The following ITGA9 variants were observed in gnomAD, a reference collection of about 807,000 sequenced individuals.
ITGA9 encodes integrin alpha-9.
ITGA9 carries 56 observed loss-of-function variants against 127.8 expected under a neutral mutation model. That is an observed-to-expected ratio of 0.44 (90% CI 0.35 to 0.55). The LOEUF is 0.55. ITGA9 is among the 20% of genes least tolerant of loss of function. ITGA9 has a pLI of 0.00. For missense variants in ITGA9, 1,196 were observed against 1,347.1 expected (o/e 0.89, Z 1.76); for synonymous variants, 508 against 514.5 (o/e 0.99, Z 0.17).
chr3:37,582,414 G>C (rs1351497193), intron 15 of ITGA9, among the ~76,000 whole-genome samples: 1 of 152,206 alleles, frequency 6.6e-6, no homozygotes, highest in Non-Finnish European at 1.5e-5. Flanking sequence ...AATAGGGATT[G>C]ACTTTTAAGG....
chr3:37,540,609 G>A (rs1034346431), intron 14 of ITGA9, among the ~76,000 whole-genome samples: 3 of 152,198 alleles, frequency 2.0e-5, no homozygotes, highest in Non-Finnish European at 2.9e-5. Context: ...TTTGATGGGT[G>A]GCCCTCTGGC....
At chr3:37,639,149 T>C (rs774228978) in intron 16 of ITGA9, among the ~76,000 whole-genome samples, 8 of 152,182 alleles carry the variant, frequency 5.3e-5, no homozygotes, top group Non-Finnish European at 1.2e-4. Flanking sequence ...AAGACCTGCA[T>C]CTGTCTCATC....
Position 37,513,750 on chromosome 3 carries a change from A to G in ITGA9, c.898-13A>G. On this transcript the variant is annotated splice_polypyrimidine_tract_variant and intron_variant, in intron 8 of 27. Coordinates refer to ENST00000264741, the MANE Select transcript of ITGA9 (RefSeq NM_002207.3). Reference sequence around the variant, plus strand: ...GACACTGAATGCTTTGTTGCAACTCAACTTGGTTGCAGATGGGCTCTTACT... The same window carrying G: ...GACACTGAATGCTTTGTTGCAACTCGACTTGGTTGCAGATGGGCTCTTACT... The G allele has an allele frequency of 6.2e-7, 1 of 1,613,974 alleles. No homozygotes were observed. Among genetic ancestry groups the G allele is most frequent in the South Asian group, 1.1e-5 (1 of 91,070 alleles).
Position 37,822,726 on chromosome 3 carries a change from C to T in ITGA9, c.*3737C>T, listed in dbSNP as rs1215402646. The T allele has an allele frequency of 2.0e-5, 3 of 152,214 alleles. No homozygotes were observed. Among genetic ancestry groups the T allele is most frequent in the Non-Finnish European group, 4.4e-5 (3 of 68,046 alleles). The allele number at this position is 152,214 out of a possible 1,614,324, so 9.4% of individuals were successfully genotyped here. A position where few individuals can be genotyped will look rare whatever the true frequency, so the allele number is the denominator to read the frequency against. On this transcript the variant is annotated 3_prime_UTR_variant, in exon 28 of 28. Coordinates refer to ENST00000264741, the MANE Select transcript of ITGA9 (RefSeq NM_002207.3). ...AAGCATAGCAGATCCCCAGACGATCCGTGTGCTGTATGCTACCTGTTGAAC... is the reference window on the plus strand; with the variant it reads ...AAGCATAGCAGATCCCCAGACGATCTGTGTGCTGTATGCTACCTGTTGAAC...
At chr3:37,503,069 G>A (rs1479696961) in intron 5 of ITGA9, 109 bp from the exon 6 acceptor site, 8 of 1,310,350 alleles carry the variant, frequency 6.1e-6, no homozygotes, top group Middle Eastern at 2.7e-4. Flanking sequence ...GGAAAAAAAA[G>A]TTCTTGGTGT....
At chr3:37,633,545 G>C (rs1463861387) in intron 16 of ITGA9, among the ~76,000 whole-genome samples, 1 of 152,126 alleles carries the variant, frequency 6.6e-6, no homozygotes, top group Non-Finnish European at 1.5e-5. Flanking sequence ...AAAACAAAAT[G>C]GTTGTATGGG....
At chr3:37,617,020 T>G (rs1270887348) in intron 15 of ITGA9, among the ~76,000 whole-genome samples, 2 of 152,238 alleles carry the variant, frequency 1.3e-5, no homozygotes, top group East Asian at 1.9e-4. Flanking sequence ...GTTAGCTGGT[T>G]ATTTTGCTCA....
At chr3:37,606,253 G>T (rs1191128742) in intron 15 of ITGA9, among the ~76,000 whole-genome samples, 1 of 152,088 alleles carries the variant, frequency 6.6e-6, no homozygotes, top group African/African-American at 2.4e-5. Flanking sequence ...ACTGAGTTTT[G>T]CTGCCCTGTC....
rs528459485 is a variant in ITGA9 at position 37,476,370 on chromosome 3, T to A, written c.420+2910T>A. Among the ~76,000 whole-genome samples the A allele has an allele frequency of 5.3e-4, 81 of 152,066 alleles. 2 individuals carry two copies. The East Asian group carries it at 0.012, about 23-fold the overall frequency. On this transcript the variant is annotated intron_variant, in intron 3 of 27. Coordinates refer to ENST00000264741, the MANE Select transcript of ITGA9 (RefSeq NM_002207.3). ...CATTTATTGTTTTCCTTTTTTTTTT[T>A]AAATAGTGGCCCTCCTAATGGGTGT...
chr3:37,566,310 G>A (rs1699546998), intron 15 of ITGA9, among the ~76,000 whole-genome samples: 1 of 152,104 alleles, frequency 6.6e-6, no homozygotes, highest in African/African-American at 2.4e-5. Context: ...GGATGTGCCG[G>A]ACAAAGGTGT....
chr3:37,607,685 G>T (rs1001462106), intron 15 of ITGA9, among the ~76,000 whole-genome samples: 16 of 152,176 alleles, frequency 1.1e-4, no homozygotes, highest in Non-Finnish European at 1.8e-4. Flanking sequence ...TTTGCATGGT[G>T]TAGATTTAGA....
At chr3:37,723,877 C>G (rs1456100031) in intron 18 of ITGA9, among the ~76,000 whole-genome samples, 3 of 152,254 alleles carry the variant, frequency 2.0e-5, no homozygotes, top group African/African-American at 7.2e-5. Flanking sequence ...AAGCAACCTT[C>G]TGATTGCAAC....
At chr3:37,660,568 G>A (rs184600653) in intron 17 of ITGA9, among the ~76,000 whole-genome samples, 4 of 152,280 alleles carry the variant, frequency 2.6e-5, no homozygotes, top group Admixed American at 2.6e-4. Context: ...TTTCAAGTGT[G>A]GTCAGAGCTA....
At position 37,503,190 on chromosome 3, in the gene ITGA9, A is replaced by C; in HGVS notation, c.625A>C (p.Met209Leu). Residue 209 changes from methionine (M) to leucine (L), a missense_variant, in exon 6 of 28, where the codon ATG becomes CTG. Coordinates refer to ENST00000264741, the MANE Select transcript of ITGA9 (RefSeq NM_002207.3). ...TTCTTTTTGGTAGGAGCTGGTGGTG[A>C]TGGGTGCTCCAGGGTCATTTTATTG... ...AGFFTEELVV[M>L]GAPGSFYWAG... The C allele has an allele frequency of 2.5e-6, 4 of 1,613,856 alleles. No homozygotes were observed. Among genetic ancestry groups the C allele is most frequent in the Non-Finnish European group, 3.4e-6 (4 of 1,179,878 alleles).
chr3:37,697,348 T>C (rs1281054735), intron 18 of ITGA9, among the ~76,000 whole-genome samples: 1 of 123,894 alleles, frequency 8.1e-6, no homozygotes, highest in Non-Finnish European at 1.8e-5. Flanking sequence ...TTATTATTAT[T>C]ATTATACTTT....
intron 22 of ITGA9, chr3:37,746,061 A>G (rs1016989845): frequency 2.0e-5 from 3 of 152,232 alleles, no homozygotes; most frequent in African/African-American, 7.2e-5. Flanking sequence ...ATTTATTGGT[A>G]TAATGGTTGT....
Position 37,820,040 on chromosome 3 carries a change from T to A in ITGA9, c.*1051T>A, listed in dbSNP as rs1460236191. The A allele has an allele frequency of 6.6e-6, 1 of 152,078 alleles. No homozygotes were observed. The highest frequency in any genetic ancestry group is 2.4e-5 in the African/African-American group (1 of 41,416). The allele number at this position is 152,078 out of a possible 1,614,324, so 9.4% of individuals were successfully genotyped here. A position where few individuals can be genotyped will look rare whatever the true frequency, so the allele number is the denominator to read the frequency against. On this transcript the variant is annotated 3_prime_UTR_variant, in exon 28 of 28. Coordinates refer to ENST00000264741, the MANE Select transcript of ITGA9 (RefSeq NM_002207.3). ...CCTTCCCAGAGAGGACATTTAACCGTTTTAAAAAAAATGTCTTAGATTGGG... is the reference window on the plus strand; with the variant it reads ...CCTTCCCAGAGAGGACATTTAACCGATTTAAAAAAAATGTCTTAGATTGGG...
intron 15 of ITGA9, among the ~76,000 whole-genome samples, chr3:37,574,634 C>T (rs1699635147): frequency 1.3e-5 from 2 of 152,232 alleles, no homozygotes; most frequent in Admixed American, 1.3e-4. Flanking sequence ...TTTAGCCCCA[C>T]AGTTGATTTC....
At chr3:37,471,661 C>T (rs1271237099) in intron 2 of ITGA9, among the ~76,000 whole-genome samples, 1 of 152,188 alleles carries the variant, frequency 6.6e-6, no homozygotes, top group Non-Finnish European at 1.5e-5. Context: ...GGGCAATGTG[C>T]TGGAATTTTA....
Sources: gnomAD v4.1 joint callset for allele counts (sites outside exome capture counted in the v4.1 genomes callset) on GRCh38, gnomAD v4.1.1 for gene constraint, MANE v1.5 for transcripts, NCBI Gene and HGNC (gene_info 2026-07-23, HGNC 2026-07-21) for gene names.